Variants in ETV6 observed in about 807,000 individuals in gnomAD.
ETV6 encodes transcription factor ETV6.
In ETV6, 16 loss-of-function variants were observed where a neutral mutation model predicts 51.1. That is an observed-to-expected ratio of 0.31 (90% CI 0.21 to 0.48). The LOEUF is 0.48. ETV6 is among the 20% of genes least tolerant of loss of function. ETV6 has a pLI of 0.99. For synonymous variants in ETV6, 240 were observed against 224.1 expected, an observed-to-expected ratio of 1.07 and a Z score of -0.64; for missense variants, 458 against 594.8, an observed-to-expected ratio of 0.77 and a Z score of 2.39.
intron 1 of ETV6, among the ~76,000 whole-genome samples, chr12:11,669,379 C>CTTCCTCCCTCCCTCCA: frequency 6.7e-6 from 1 of 148,676 alleles, no homozygotes; most frequent in African/African-American, 2.5e-5. Context: ...CCCTTCCTCC[C>CTTCCTCCCTCCCTCCA]TCCCTCCCTC....
At chr12:11,795,702 G>T (rs971621653) in intron 2 of ETV6, among the ~76,000 whole-genome samples, 18 of 152,188 alleles carry the variant, frequency 1.2e-4, no homozygotes, top group African/African-American at 4.1e-4. Flanking sequence ...AGTTTCCATG[G>T]TATACAGAAA....
chr12:11,685,856 C>T (rs1310222336), intron 1 of ETV6, among the ~76,000 whole-genome samples: 3 of 152,186 alleles, frequency 2.0e-5, no homozygotes, highest in Non-Finnish European at 2.9e-5. Context: ...ACAGTCTTTG[C>T]ATACATATAC....
intron 2 of ETV6, among the ~76,000 whole-genome samples, chr12:11,810,389 A>G (rs1282079909): frequency 6.6e-6 from 1 of 152,180 alleles, no homozygotes; most frequent in Non-Finnish European, 1.5e-5. Flanking sequence ...CAGCAATCCA[A>G]AGGCATTTCG....
In ETV6 at chr12:11,690,635, T is replaced by A. The variant is rs1016157639; in HGVS notation, c.33+40475T>A. Among the ~76,000 whole-genome samples, 3 of 152,120 alleles carry A rather than the reference T, an allele frequency of 2.0e-5. No individual in the cohort carries two copies. In the South Asian group the frequency reaches 6.2e-4, roughly 32 times the overall value. On this transcript the variant is annotated intron_variant, in intron 1 of 7. Transcript: ENST00000396373. ...TGGGCACGGTGGCTCATGCGTGTAA[T>A]CCTAGCTCTTTGGGAGGCTGAGGCA...
intron 2 of ETV6, among the ~76,000 whole-genome samples, chr12:11,829,586 G>A (rs1363420737): frequency 2.6e-5 from 4 of 152,158 alleles, no homozygotes; most frequent in Admixed American, 6.5e-5. Context: ...GAGGCTGAGC[G>A]GCAAGCTCTG....
intron 1 of ETV6, among the ~76,000 whole-genome samples, chr12:11,718,790 G>T (rs1326743805): frequency 6.6e-6 from 1 of 152,032 alleles, no homozygotes; most frequent in Non-Finnish European, 1.5e-5. Context: ...CAGGTCACAG[G>T]TCGCACACTC....
chr12:11,752,387 C>A, intron 1 of ETV6, 63 bp from the exon 2 acceptor site: 2 of 1,561,888 alleles, frequency 1.3e-6, no homozygotes, highest in Non-Finnish European at 8.7e-7. Flanking sequence ...TGGTCTCATA[C>A]CTCCATTCCA....
chr12:11,858,838 A>G (rs2855705), intron 4 of ETV6, among the ~76,000 whole-genome samples: 4,804 of 67,530 alleles, frequency 0.071, 100 homozygotes, highest in Middle Eastern at 0.31. Context: ...GATGAGGAGA[A>G]CTTTCAAGCA....
intron 2 of ETV6, among the ~76,000 whole-genome samples, chr12:11,767,460 GCTCGA>G (rs562667531): frequency 9.3e-4 from 141 of 152,344 alleles, no homozygotes; most frequent in African/African-American, 3.0e-3. Context: ...GTGCAGCATG[GCTCGA>G]CTCTGTGGGG....
intron 2 of ETV6, among the ~76,000 whole-genome samples, chr12:11,760,860 A>C (rs2136337024): frequency 6.7e-6 from 1 of 149,796 alleles, no homozygotes; most frequent in East Asian, 2.0e-4. Flanking sequence ...AATAATGATC[A>C]CTACTATTAT....
At chr12:11,738,507 C>G (rs3020929) in intron 1 of ETV6, among the ~76,000 whole-genome samples, 1 of 151,036 alleles carries the variant, frequency 6.6e-6, no homozygotes. Flanking sequence ...CGGTTTTGCC[C>G]TGTTGCCCAG....
chr12:11,664,297 C>G (rs1465114326), intron 1 of ETV6, among the ~76,000 whole-genome samples: 20 of 152,160 alleles, frequency 1.3e-4, no homozygotes, highest in Non-Finnish European at 7.3e-5. Flanking sequence ...GATCAGTTTG[C>G]TAGCCTGGCA....
At chr12:11,735,963 T>G (rs1392514124) in intron 1 of ETV6, among the ~76,000 whole-genome samples, 1 of 152,222 alleles carries the variant, frequency 6.6e-6, no homozygotes, top group East Asian at 1.9e-4. Context: ...GTCTTTAAAA[T>G]GAGAATTTAA....
chr12:11,827,868 C>G (rs2710294), intron 2 of ETV6, among the ~76,000 whole-genome samples: 5 of 152,178 alleles, frequency 3.3e-5, no homozygotes, highest in African/African-American at 1.2e-4. Context: ...ATTTTCATCC[C>G]TCTTTATTCA....
rs1036465832 is a variant in ETV6 at position 11,891,853 on chromosome 12, T to C, written c.*807T>C. On this transcript the variant is annotated 3_prime_UTR_variant, in exon 8 of 8. Coordinates refer to ENST00000396373, the MANE Select transcript of ETV6 (RefSeq NM_001987.5). Reference sequence around the variant, plus strand: ...GCATCCCAGCATTGGGCCACCCATCTGAGGGAGGCCAAAATCATCACAGAT... The same window carrying C: ...GCATCCCAGCATTGGGCCACCCATCCGAGGGAGGCCAAAATCATCACAGAT... The C allele has an allele frequency of 3.2e-6, 1 of 312,760 alleles. No individual in the cohort carries two copies. The highest frequency in any genetic ancestry group is 6.2e-6 in the Non-Finnish European group (1 of 161,798). 19.4% of individuals were successfully genotyped at this position (312,760 alleles called of 1,614,324 possible).
intron 2 of ETV6, chr12:11,825,619 T>C (rs923812731): frequency 6.6e-6 from 1 of 152,172 alleles, no homozygotes; most frequent in African/African-American, 2.4e-5. Context: ...CAAAGAGCCA[T>C]TCTCAAATTA....
chr12:11,778,327 C>T (rs1021809090), intron 2 of ETV6, among the ~76,000 whole-genome samples: 3 of 152,248 alleles, frequency 2.0e-5, no homozygotes, highest in African/African-American at 7.2e-5. Context: ...CACACACACA[C>T]TCCTGTGTTT....
At chr12:11,664,284 C>T (rs1018354213) in intron 1 of ETV6, among the ~76,000 whole-genome samples, 2 of 152,182 alleles carry the variant, frequency 1.3e-5, no homozygotes, top group African/African-American at 4.8e-5. Context: ...AATCCTCTGA[C>T]TGGATCAGTT....
intron 1 of ETV6, among the ~76,000 whole-genome samples, chr12:11,677,731 C>T (rs147873093): frequency 3.3e-4 from 50 of 152,272 alleles, no homozygotes; most frequent in Admixed American, 8.5e-4. Context: ...ATAACTTTGG[C>T]GGACAAATTA....
Sources: allele counts gnomAD v4.1 joint callset (sites outside exome capture counted in the v4.1 genomes callset), GRCh38; gene constraint gnomAD v4.1.1; transcripts MANE v1.5; gene names NCBI Gene and HGNC (gene_info 2026-07-23, HGNC 2026-07-21).